The following KCNH5 variants were observed in gnomAD, a reference collection of about 807,000 sequenced individuals.
The protein encoded by KCNH5 is potassium voltage-gated channel subfamily H member 5, also known as voltage-gated delayed rectifier potassium channel KCNH5.
In KCNH5, 46 loss-of-function variants were observed where a neutral mutation model predicts 96.1. The ratio of observed to expected loss-of-function variants is 0.48; its 90% CI spans 0.38 to 0.61. The LOEUF is 0.61. Ranked by LOEUF, KCNH5 falls within the 20% of genes least tolerant of loss-of-function variation. The pLI is 0.00. For missense variants in KCNH5, 907 were observed against 1,225.8 expected (o/e 0.74, Z 3.88); for synonymous variants, 439 against 449.8 (o/e 0.98, Z 0.30).
chr14:62,874,868 G>A (rs1001830794), intron 7 of KCNH5, among the ~76,000 whole-genome samples: 16 of 135,934 alleles, frequency 1.2e-4, no homozygotes, highest in Non-Finnish European at 2.4e-4. Context: ...AGGAAATAAA[G>A]GGTATTCAAT....
At chr14:62,884,987 T>G (rs1022720447) in intron 7 of KCNH5, among the ~76,000 whole-genome samples, 1 of 152,152 alleles carries the variant, frequency 6.6e-6, no homozygotes, top group Non-Finnish European at 1.5e-5. Context: ...AGGATGCCAG[T>G]GTACAAAAAA....
intron 6 of KCNH5, among the ~76,000 whole-genome samples, chr14:62,975,501 G>GA (rs1450195401): frequency 6.6e-6 from 1 of 151,800 alleles, no homozygotes; most frequent in Non-Finnish European, 1.5e-5. Context: ...ATATTAAAAG[G>GA]AAAAAATTAA....
At chr14:62,927,669 A>G (rs781368812) in intron 7 of KCNH5, among the ~76,000 whole-genome samples, 8 of 152,102 alleles carry the variant, frequency 5.3e-5, no homozygotes, top group Non-Finnish European at 1.0e-4. Context: ...TCTATGAAGC[A>G]CCTAAAATAC....
chr14:62,925,859 G>T (rs1299767192), intron 7 of KCNH5, among the ~76,000 whole-genome samples: 2 of 151,970 alleles, frequency 1.3e-5, no homozygotes, highest in African/African-American at 4.8e-5. Flanking sequence ...AATTAAAGAA[G>T]AAAGAAATTC....
At chr14:62,719,432 CT>C (rs1356493574) in intron 10 of KCNH5, among the ~76,000 whole-genome samples, 3 of 152,272 alleles carry the variant, frequency 2.0e-5, no homozygotes, top group African/African-American at 7.2e-5. Flanking sequence ...TACTTTATGC[CT>C]GATAAAAGAA....
At chr14:62,984,739 C>T (rs772391760) in intron 5 of KCNH5, among the ~76,000 whole-genome samples, 1 of 151,284 alleles carries the variant, frequency 6.6e-6, no homozygotes, top group East Asian at 1.9e-4. Flanking sequence ...GGTAAAGAAA[C>T]TAACACTAAT....
At chr14:62,959,438 C>T (rs1411128428) in intron 6 of KCNH5, among the ~76,000 whole-genome samples, 1 of 152,084 alleles carries the variant, frequency 6.6e-6, no homozygotes, top group Non-Finnish European at 1.5e-5. Context: ...AATATCCAGT[C>T]CACTCAATGC....
At chr14:63,016,301 G>C (rs2139607066) in intron 2 of KCNH5, among the ~76,000 whole-genome samples, 1 of 151,948 alleles carries the variant, frequency 6.6e-6, no homozygotes, top group African/African-American at 2.4e-5. Flanking sequence ...TTTGTTTAAA[G>C]AACCATTATA....
chr14:62,968,429 T>C (rs1425370659), intron 6 of KCNH5, among the ~76,000 whole-genome samples: 1 of 152,216 alleles, frequency 6.6e-6, no homozygotes, highest in African/African-American at 2.4e-5. Flanking sequence ...GATCACAGCT[T>C]GGAGGCTTAA....
intron 7 of KCNH5, among the ~76,000 whole-genome samples, chr14:62,910,979 T>C (rs1258896330): frequency 6.6e-6 from 1 of 151,584 alleles, no homozygotes; most frequent in Non-Finnish European, 1.5e-5. Context: ...CCTACTTTAT[T>C]GTATCATAAT....
chr14:62,726,746 C>T (rs1376409620), intron 10 of KCNH5, among the ~76,000 whole-genome samples: 2 of 152,140 alleles, frequency 1.3e-5, no homozygotes, highest in Non-Finnish European at 2.9e-5. Flanking sequence ...CAATTTTACT[C>T]TTAGGTACTC....
chr14:62,999,403 T>A (rs1890970158), intron 4 of KCNH5, among the ~76,000 whole-genome samples: 1 of 152,088 alleles, frequency 6.6e-6, no homozygotes, highest in Non-Finnish European at 1.5e-5. Context: ...TTCTTGTAAA[T>A]TTGTTTGAGT....
intron 10 of KCNH5, among the ~76,000 whole-genome samples, chr14:62,749,560 T>C (rs1460632688): frequency 6.6e-6 from 1 of 152,236 alleles, no homozygotes; most frequent in Non-Finnish European, 1.5e-5. Context: ...TTGATTTCCA[T>C]ATTCAAGAAG....
chr14:62,778,090 A>G (rs2139973748), intron 10 of KCNH5, among the ~76,000 whole-genome samples: 1 of 152,270 alleles, frequency 6.6e-6, no homozygotes, highest in Non-Finnish European at 1.5e-5. Context: ...CGGATGTTGG[A>G]TAGGAGTTTT....
intron 7 of KCNH5, among the ~76,000 whole-genome samples, chr14:62,930,881 C>A (rs968633667): frequency 6.6e-6 from 1 of 152,130 alleles, no homozygotes; most frequent in African/African-American, 2.4e-5. Flanking sequence ...ATCCATGATG[C>A]TGGTACATTT....
chr14:62,835,910 T>G (rs1014538509), intron 8 of KCNH5, among the ~76,000 whole-genome samples: 1 of 152,072 alleles, frequency 6.6e-6, no homozygotes, highest in Non-Finnish European at 1.5e-5. Flanking sequence ...TCTGTACATT[T>G]GTAGGATGAT....
intron 9 of KCNH5, among the ~76,000 whole-genome samples, chr14:62,784,430 A>G (rs1886280712): frequency 1.3e-5 from 2 of 152,340 alleles, no homozygotes; most frequent in South Asian, 4.1e-4. Context: ...AGTCTAAAGG[A>G]ATACAAGACT....
At chr14:62,852,788 T>C (rs1566682353) in intron 7 of KCNH5, among the ~76,000 whole-genome samples, 2 of 152,210 alleles carry the variant, frequency 1.3e-5, no homozygotes, top group Non-Finnish European at 2.9e-5. Context: ...TGACAGCATG[T>C]ATGATACTCC....
At chr14:62,776,628 G>C (rs1886102074) in intron 10 of KCNH5, among the ~76,000 whole-genome samples, 1 of 152,158 alleles carries the variant, frequency 6.6e-6, no homozygotes, top group Non-Finnish European at 1.5e-5. Context: ...ATCCAAAATT[G>C]TTTACTATCT....
Sources: allele counts gnomAD v4.1 joint callset (sites outside exome capture counted in the v4.1 genomes callset), GRCh38; gene constraint gnomAD v4.1.1; transcripts MANE v1.5; gene names NCBI Gene and HGNC (gene_info 2026-07-23, HGNC 2026-07-21).